The following KIAA1328 variants were observed in gnomAD, a reference collection of about 807,000 sequenced individuals.
KIAA1328 encodes the protein KIAA1328.
In KIAA1328, 52 loss-of-function variants were observed where a neutral mutation model predicts 68.1. That is an observed-to-expected ratio of 0.76 (90% CI 0.61 to 0.96). KIAA1328 has a LOEUF of 0.96. Among genes scored for constraint, KIAA1328 ranks in the 40% least tolerant of loss-of-function variants. KIAA1328 has a pLI of 0.00. For synonymous variants in KIAA1328, 232 were observed against 239.4 expected (o/e 0.97, Z 0.28); for missense variants, 641 against 677.6 (o/e 0.95, Z 0.60).
chr18:37,064,377 A>G (rs9961412), intron 6 of KIAA1328, among the ~76,000 whole-genome samples: 61,485 of 151,978 alleles, frequency 0.4, 14,296 homozygotes, highest in African/African-American at 0.64. Flanking sequence ...TCAGTCCATC[A>G]TTTGCAACTA....
intron 6 of KIAA1328, among the ~76,000 whole-genome samples, chr18:37,025,786 T>C (rs976984397): frequency 2.0e-5 from 3 of 152,044 alleles, no homozygotes; most frequent in African/African-American, 7.2e-5. Context: ...GATCTAAAAT[T>C]GACACCCTAA....
At chr18:36,984,567 C>CT (rs2052831360) in intron 6 of KIAA1328, among the ~76,000 whole-genome samples, 1 of 152,072 alleles carries the variant, frequency 6.6e-6, no homozygotes, top group Non-Finnish European at 1.5e-5. Context: ...AAGACCTAGA[C>CT]ACTTAAAAAC....
intron 9 of KIAA1328, among the ~76,000 whole-genome samples, chr18:37,192,955 ATAATT>A (rs2059934340): frequency 6.6e-6 from 1 of 152,228 alleles, no homozygotes; most frequent in African/African-American, 2.4e-5. Context: ...TTCTTCTTAA[ATAATT>A]TTATTTTTAT....
intron 6 of KIAA1328, among the ~76,000 whole-genome samples, chr18:37,043,580 T>C (rs1235280578): frequency 6.6e-6 from 1 of 152,194 alleles, no homozygotes; most frequent in Admixed American, 6.5e-5. Context: ...AGATGATTAT[T>C]GTTAATAAAT....
intron 5 of KIAA1328, among the ~76,000 whole-genome samples, chr18:36,892,712 A>C (rs768887422): frequency 1.4e-4 from 21 of 152,288 alleles, no homozygotes; most frequent in Non-Finnish European, 2.1e-4. Flanking sequence ...TGTTATTATA[A>C]ATTGTCCTGG....
At chr18:37,198,555 A>G (rs2060046198) in intron 9 of KIAA1328, among the ~76,000 whole-genome samples, 1 of 152,158 alleles carries the variant, frequency 6.6e-6, no homozygotes, top group Non-Finnish European at 1.5e-5. Context: ...TGGAAAGGAG[A>G]GTACTTCTTA....
chr18:37,227,495 G>A (rs915834912), downstream of KIAA1328, among the ~76,000 whole-genome samples: 5 of 152,190 alleles, frequency 3.3e-5, no homozygotes, highest in African/African-American at 1.2e-4. Context: ...TAAAGCCAAT[G>A]CCCATTTACA....
chr18:37,172,358 C>G (rs1316087033), intron 8 of KIAA1328, among the ~76,000 whole-genome samples: 2 of 152,048 alleles, frequency 1.3e-5, no homozygotes, highest in Non-Finnish European at 2.9e-5. Flanking sequence ...ATTTAGCACT[C>G]CAGAAGAGAA....
intron 5 of KIAA1328, among the ~76,000 whole-genome samples, chr18:36,928,972 G>T (rs2050219323): frequency 6.6e-6 from 1 of 152,084 alleles, no homozygotes; most frequent in Non-Finnish European, 1.5e-5. Context: ...TTCCCATACT[G>T]TATCCAGCTT....
intron 9 of KIAA1328, among the ~76,000 whole-genome samples, chr18:37,174,023 G>A (rs1431251181): frequency 6.6e-6 from 1 of 152,114 alleles, no homozygotes; most frequent in Non-Finnish European, 1.5e-5. Flanking sequence ...GAACTTTTGA[G>A]AAATGACTCC....
chr18:37,099,288 T>C (rs927623012), intron 7 of KIAA1328, among the ~76,000 whole-genome samples: 9 of 152,232 alleles, frequency 5.9e-5, no homozygotes, highest in African/African-American at 2.2e-4. Flanking sequence ...TTGTTCTCAT[T>C]GGTTTCAAAG....
chr18:37,215,673 A>T (rs936020644), intron 9 of KIAA1328, among the ~76,000 whole-genome samples: 3 of 152,208 alleles, frequency 2.0e-5, no homozygotes, highest in Non-Finnish European at 4.4e-5. Flanking sequence ...AAAATGAGTT[A>T]GGGAGGATTC....
intron 7 of KIAA1328, among the ~76,000 whole-genome samples, chr18:37,136,859 C>T (rs979322541): frequency 1.3e-5 from 2 of 152,176 alleles, no homozygotes; most frequent in South Asian, 4.1e-4. Flanking sequence ...GAAGGTCATA[C>T]AGAAATTCTC....
intron 9 of KIAA1328, among the ~76,000 whole-genome samples, chr18:37,203,954 C>T (rs910017543): frequency 1.3e-5 from 2 of 152,152 alleles, no homozygotes; most frequent in Admixed American, 6.5e-5. Flanking sequence ...GGACTACAGG[C>T]GCCCGCCACC....
At chr18:37,080,236 T>A (rs2056904117) in intron 7 of KIAA1328, among the ~76,000 whole-genome samples, 1 of 152,230 alleles carries the variant, frequency 6.6e-6, no homozygotes, top group Admixed American at 6.5e-5. Context: ...CAGTTTAAGC[T>A]GACCATGTTC....
rs1033468151 is a variant in KIAA1328 at position 37,222,778 on chromosome 18, A to G, written c.*551A>G. Reference sequence around the variant, plus strand: ...GCCATCACAAACAACACGAGAGCCAATTGTGAGTCAGTCTCAGTAGCCATC... The same window carrying G: ...GCCATCACAAACAACACGAGAGCCAGTTGTGAGTCAGTCTCAGTAGCCATC... On this transcript the variant is annotated 3_prime_UTR_variant, in exon 10 of 10. Coordinates refer to ENST00000280020, the MANE Select transcript of KIAA1328 (RefSeq NM_020776.3). The G allele has an allele frequency of 2.0e-6, 2 of 994,600 alleles. No individual in the cohort carries two copies. The highest frequency in any genetic ancestry group is 1.2e-6 in the Non-Finnish European group (1 of 835,916). The allele number at this position is 994,600 out of a possible 1,614,324, so 61.6% of individuals were successfully genotyped here.
At chr18:36,955,343 A>G (rs998721588) in intron 5 of KIAA1328, among the ~76,000 whole-genome samples, 6 of 128,312 alleles carry the variant, frequency 4.7e-5, no homozygotes, top group Non-Finnish European at 9.7e-5. Flanking sequence ...ATGGAGTCTC[A>G]CTCTGTTGCC....
chr18:37,226,280 A>AT (rs796209515), downstream of KIAA1328, among the ~76,000 whole-genome samples: 14,645 of 146,508 alleles, frequency 0.1, 2,286 homozygotes, highest in African/African-American at 0.33. Context: ...CCCTTTTTAA[A>AT]TTTTTTTTTT....
intron 6 of KIAA1328, among the ~76,000 whole-genome samples, chr18:37,007,190 G>T (rs577863268): frequency 1.3e-5 from 2 of 152,246 alleles, no homozygotes; most frequent in South Asian, 4.1e-4. Flanking sequence ...AAGCTCCTTT[G>T]AGTAAACAAA....
Sources: allele counts gnomAD v4.1 joint callset (sites outside exome capture counted in the v4.1 genomes callset), GRCh38; gene constraint gnomAD v4.1.1; transcripts MANE v1.5; gene names NCBI Gene and HGNC (gene_info 2026-07-23, HGNC 2026-07-21).